PLCL2: variants seen among roughly 807,000 people sequenced by gnomAD.
PLCL2 encodes phospholipase C like 2, also known as inactive phospholipase C-like protein 2.
A neutral mutation model predicts 79.6 loss-of-function variants in PLCL2; 4 were observed. The ratio of observed to expected loss-of-function variants is 0.05; its 90% CI spans 0.02 to 0.11. The LOEUF is 0.11. Ranked by LOEUF, PLCL2 falls within the 10% of genes least tolerant of loss-of-function variation. PLCL2 has a pLI of 1.00. For synonymous variants in PLCL2, 484 were observed against 457.7 expected (o/e 1.06, Z -0.73); for missense variants, 895 against 1,291.0 (o/e 0.69, Z 4.70).
At chr3:16,901,478 A>T (rs144908407) in intron 1 of PLCL2, among the ~76,000 whole-genome samples, 110 of 152,288 alleles carry the variant, frequency 7.2e-4, no homozygotes, top group African/African-American at 2.5e-3. Flanking sequence ...AAGGGCATCT[A>T]TGTATGTCCA....
At chr3:17,068,275 A>G (rs1049545244) in intron 5 of PLCL2, among the ~76,000 whole-genome samples, 2 of 152,248 alleles carry the variant, frequency 1.3e-5, no homozygotes, top group African/African-American at 4.8e-5. Flanking sequence ...GGGAACTTCT[A>G]TGATTGGCAC....
At position 17,089,933 on chromosome 3, in the gene PLCL2, T is replaced by C. The variant is rs1315506344; in HGVS notation, c.*21T>C. On this transcript the variant is annotated 3_prime_UTR_variant, in exon 6 of 6. Coordinates refer to ENST00000615277, the MANE Select transcript of PLCL2 (RefSeq NM_001144382.2). ...AATGAGGAAACTTACAATAAACCAT[T>C]ATGGAGTTTATAACTCTAGGACCAA... 4 of 1,606,658 alleles carry C rather than the reference T, an allele frequency of 2.5e-6. No individual in the cohort carries two copies. In the Admixed American group the frequency reaches 5.1e-5, roughly 21 times the overall value.
At position 17,090,345 on chromosome 3, in the gene PLCL2, T is replaced by C. The variant is rs2065260431; in HGVS notation, c.*433T>C. ...GCCAGAGTCTCTGGGTTCTAGATGA[T>C]TTTGGTGGCATGCTTGCTGAGCCAT... On this transcript the variant is annotated 3_prime_UTR_variant, in exon 6 of 6. Coordinates refer to ENST00000615277, the MANE Select transcript of PLCL2 (RefSeq NM_001144382.2). 2 of 744,190 alleles carry C rather than the reference T, an allele frequency of 2.7e-6. No individual in the cohort carries two copies. Among genetic ancestry groups the C allele is most frequent in the African/African-American group, 1.9e-5 (1 of 52,622 alleles). 46.1% of individuals were successfully genotyped at this position (744,190 alleles called of 1,614,324 possible).
chr3:17,008,435 G>A (rs182309203), intron 1 of PLCL2, among the ~76,000 whole-genome samples: 9 of 151,898 alleles, frequency 5.9e-5, no homozygotes, highest in Admixed American at 3.9e-4. Flanking sequence ...TAGTCTAGAC[G>A]TCTTAGCCCA....
At chr3:17,025,342 A>G (rs2064505099) in intron 3 of PLCL2, among the ~76,000 whole-genome samples, 1 of 152,124 alleles carries the variant, frequency 6.6e-6, no homozygotes, top group South Asian at 2.1e-4. Context: ...GAAATTTGTC[A>G]GTGTTACATG....
At chr3:16,996,212 C>G (rs1326842722) in intron 1 of PLCL2, among the ~76,000 whole-genome samples, 2 of 152,092 alleles carry the variant, frequency 1.3e-5, no homozygotes, top group Non-Finnish European at 2.9e-5. Context: ...GGAGAGCACT[C>G]AAGAACTGGC....
At chr3:16,916,203 A>C (rs1696991510) in intron 1 of PLCL2, among the ~76,000 whole-genome samples, 1 of 152,210 alleles carries the variant, frequency 6.6e-6, no homozygotes, top group Non-Finnish European at 1.5e-5. Flanking sequence ...AAGAATGTGG[A>C]ATGTGAAATA....
intron 1 of PLCL2, among the ~76,000 whole-genome samples, chr3:16,935,035 T>A (rs1480628047): frequency 2.0e-5 from 3 of 152,218 alleles, no homozygotes; most frequent in African/African-American, 7.2e-5. Context: ...ACGCCAATTG[T>A]CCATTACCAA....
chr3:16,988,997 C>G (rs763952164), intron 1 of PLCL2, among the ~76,000 whole-genome samples: 1 of 149,438 alleles, frequency 6.7e-6, no homozygotes, highest in Non-Finnish European at 1.5e-5. Context: ...TAATAGATGT[C>G]TATAACAGAG....
chr3:16,921,476 T>G (rs888346432), intron 1 of PLCL2, among the ~76,000 whole-genome samples: 6 of 152,312 alleles, frequency 3.9e-5, no homozygotes, highest in Admixed American at 3.3e-4. Flanking sequence ...GTAAGATTAT[T>G]GAACACATGA....
chr3:17,059,902 G>C (rs2064931642), intron 4 of PLCL2, among the ~76,000 whole-genome samples: 1 of 152,316 alleles, frequency 6.6e-6, no homozygotes, highest in African/African-American at 2.4e-5. Flanking sequence ...GCTGCAGTCT[G>C]CAGTCACGAG....
intron 1 of PLCL2, among the ~76,000 whole-genome samples, chr3:16,998,120 C>G (rs1209178641): frequency 6.6e-6 from 1 of 152,172 alleles, no homozygotes; most frequent in Admixed American, 6.5e-5. Context: ...CTTCTCACTC[C>G]TGCATCAACC....
Position 17,068,205 on chromosome 3 carries a change from T to C in PLCL2, c.3204+140T>C, listed in dbSNP as rs1417625201. ...TGGATGCAGAAATCACATGAAGAAC[T>C]CTGCCCTTCTAGAGTCTGTAGGCAC... On this transcript the variant is annotated intron_variant, in intron 5 of 5. Coordinates refer to ENST00000615277, the MANE Select transcript of PLCL2 (RefSeq NM_001144382.2). 8 of 583,634 alleles carry C rather than the reference T, an allele frequency of 1.4e-5. No individual in the cohort carries two copies. The Admixed American group carries it at 2.4e-4, about 17-fold the overall frequency. 36.2% of individuals were successfully genotyped at this position (583,634 alleles called of 1,614,324 possible). A position where few individuals can be genotyped will look rare whatever the true frequency, so the allele number is the denominator to read the frequency against.
intron 1 of PLCL2, among the ~76,000 whole-genome samples, chr3:16,955,127 C>A (rs930675594): frequency 6.6e-6 from 1 of 152,186 alleles, no homozygotes; most frequent in African/African-American, 2.4e-5. Flanking sequence ...ATGGTAATGC[C>A]TAGGTTTTCT....
chr3:16,967,056 A>G (rs150243007), intron 1 of PLCL2, among the ~76,000 whole-genome samples: 88 of 152,232 alleles, frequency 5.8e-4, no homozygotes, highest in African/African-American at 2.0e-3. Flanking sequence ...GCTTAGGATA[A>G]TGGCCTCTGG....
chr3:17,021,876 C>T (rs114935061), intron 3 of PLCL2, among the ~76,000 whole-genome samples: 1 of 152,102 alleles, frequency 6.6e-6, no homozygotes, highest in Non-Finnish European at 1.5e-5. Context: ...TACTAACAGT[C>T]TGATTTAAAA....
At chr3:16,941,427 A>G (rs1424562869) in intron 1 of PLCL2, among the ~76,000 whole-genome samples, 1 of 151,638 alleles carries the variant, frequency 6.6e-6, no homozygotes, top group East Asian at 1.9e-4. Context: ...CAAGCACCCA[A>G]CTCCAGCCCC....
chr3:17,085,696 G>A (rs1044615198), intron 5 of PLCL2, among the ~76,000 whole-genome samples: 8 of 152,092 alleles, frequency 5.3e-5, no homozygotes, highest in Middle Eastern at 3.4e-3. Flanking sequence ...TGATCCGCCC[G>A]CCTCGGCCTC....
At chr3:16,896,255 T>C (rs1188704481) in intron 1 of PLCL2, among the ~76,000 whole-genome samples, 1 of 152,166 alleles carries the variant, frequency 6.6e-6, no homozygotes, top group Non-Finnish European at 1.5e-5. Context: ...TGGACACTTG[T>C]ACGTGGTGAG....
Sources: allele counts gnomAD v4.1 joint callset (sites outside exome capture counted in the v4.1 genomes callset), GRCh38; gene constraint gnomAD v4.1.1; transcripts MANE v1.5; gene names NCBI Gene and HGNC (gene_info 2026-07-23, HGNC 2026-07-21).